The following CTNND2 variants were observed in gnomAD, a reference collection of about 807,000 sequenced individuals.
CTNND2 encodes the protein catenin delta 2.
CTNND2 carries 22 observed loss-of-function variants against 144.4 expected under a neutral mutation model. The observed-to-expected ratio is 0.15, with a 90% CI of 0.11 to 0.22. The LOEUF (loss-of-function observed/expected upper bound fraction) is 0.22, where lower values mean the gene tolerates loss of function less well. CTNND2 is among the 10% of genes least tolerant of loss of function. The probability of loss-of-function intolerance (pLI) is 1.00; values close to 1 mark genes in which losing one functional copy is unlikely to be tolerated. For missense variants in CTNND2, 1,353 were observed against 1,618.8 expected, an observed-to-expected ratio of 0.84 and a Z score of 2.82; for synonymous variants, 751 against 695.6, an observed-to-expected ratio of 1.08 and a Z score of -1.25.
chr5:11,556,349 T>C (rs1471351283), intron 3 of CTNND2, among the ~76,000 whole-genome samples: 2 of 152,284 alleles, frequency 1.3e-5, no homozygotes, highest in East Asian at 3.9e-4. Context: ...TAAATCAAAT[T>C]ATTTCAATAT....
In CTNND2 at chr5:11,665,474, CAAT is replaced by C. The variant is rs537724309; in HGVS notation, c.174+66659_174+66661del. Among the ~76,000 whole-genome samples, 25 of 152,234 alleles carry C rather than the reference CAAT, an allele frequency of 1.6e-4. 2 individuals are homozygous for C. The South Asian group carries it at 4.6e-3, about 28-fold the overall frequency. ...AAATCTTACTACATTTTCACAACCA[CAAT>C]GTTATCATCTTTAGGGATTTCACTT... On this transcript the variant is annotated intron_variant, in intron 2 of 21. Transcript: ENST00000304623.
rs184386337 is a variant in CTNND2 at position 11,710,818 on chromosome 5, T to C, written c.174+21318A>G. Among the ~76,000 whole-genome samples the C allele has an allele frequency of 5.7e-3, 874 of 152,342 alleles. 6 individuals carry two copies. The highest frequency in any genetic ancestry group is 9.8e-3 in the Non-Finnish European group (669 of 68,034). On this transcript the variant is annotated intron_variant, in intron 2 of 21. Coordinates refer to ENST00000304623, the MANE Select transcript of CTNND2 (RefSeq NM_001332.4). Reference sequence around the variant, plus strand: ...AATGGAAGGGAGGTTAGGGTTGAGTTTGCTATGTGCATCAAAGCTTTTGCT... The same window carrying C: ...AATGGAAGGGAGGTTAGGGTTGAGTCTGCTATGTGCATCAAAGCTTTTGCT...
At chr5:11,424,519 G>A (rs1013765246) in intron 3 of CTNND2, among the ~76,000 whole-genome samples, 1 of 152,002 alleles carries the variant, frequency 6.6e-6, no homozygotes, top group African/African-American at 2.4e-5. Flanking sequence ...AAATCTGTTG[G>A]TTGTAGCAAT....
intron 9 of CTNND2, among the ~76,000 whole-genome samples, chr5:11,302,622 C>A (rs1749735830): frequency 6.6e-6 from 1 of 152,138 alleles, no homozygotes; most frequent in African/African-American, 2.4e-5. Context: ...TTCCCCAGGT[C>A]TCCAGTGATG....
rs888107517 is a variant in CTNND2, at chr5:11,209,154, C to A, written c.1762-9493G>T. On this transcript the variant is annotated intron_variant, in intron 10 of 21. Transcript: ENST00000304623. ...CCAAAATTTATTTATACTTTTAACA[C>A]AATTTCAATCAAAATTCAAGGGATT... Among the ~76,000 whole-genome samples the A allele has an allele frequency of 2.0e-5, 3 of 152,130 alleles. No individual in the cohort carries two copies. In the South Asian group the frequency reaches 6.2e-4, roughly 32 times the overall value.
intron 9 of CTNND2, among the ~76,000 whole-genome samples, chr5:11,344,234 T>C (rs557836057): frequency 1.2e-3 from 189 of 151,996 alleles, no homozygotes; most frequent in African/African-American, 4.4e-3. Flanking sequence ...CTACTAAAAA[T>C]ACAAAAAATT....
At chr5:11,452,836 A>G (rs1393040682) in intron 3 of CTNND2, among the ~76,000 whole-genome samples, 1 of 152,194 alleles carries the variant, frequency 6.6e-6, no homozygotes, top group Non-Finnish European at 1.5e-5. Flanking sequence ...ATGTGCGCAC[A>G]TTTGTCTGAA....
At chr5:11,809,949 T>C (rs571043009) in intron 1 of CTNND2, among the ~76,000 whole-genome samples, 57 of 152,196 alleles carry the variant, frequency 3.7e-4, no homozygotes, top group African/African-American at 1.3e-3. Flanking sequence ...GCCTTGAAAA[T>C]CCCAGGCTAA....
At chr5:11,394,265 G>C (rs977769933) in intron 6 of CTNND2, among the ~76,000 whole-genome samples, 5 of 152,166 alleles carry the variant, frequency 3.3e-5, no homozygotes, top group Non-Finnish European at 7.3e-5. Context: ...AGTTCCTTGA[G>C]GACTGGGATC....
intron 3 of CTNND2, among the ~76,000 whole-genome samples, chr5:11,437,972 T>G (rs1763916075): frequency 6.6e-6 from 1 of 152,188 alleles, no homozygotes; most frequent in African/African-American, 2.4e-5. Flanking sequence ...AGGGTCAGTA[T>G]AGGCTGTTAT....
At chr5:11,154,029 G>A (rs542608311) in intron 12 of CTNND2, among the ~76,000 whole-genome samples, 9 of 152,282 alleles carry the variant, frequency 5.9e-5, no homozygotes, top group African/African-American at 9.6e-5. Flanking sequence ...CAGCCACAGC[G>A]GGATCTTTAG....
chr5:11,704,145 T>C lies in CTNND2; in HGVS notation c.174+27991A>G, dbSNP rs542613176. ...AAGACTAGATGTAGTCAAGCTTATT[T>C]GAAATTAATTATCTAAGAAGCCTCA... is the stretch of plus-strand genomic sequence containing the variant. On this transcript the variant is annotated intron_variant, in intron 2 of 21. Coordinates refer to ENST00000304623, the MANE Select transcript of CTNND2 (RefSeq NM_001332.4). Among the ~76,000 whole-genome samples the C allele has an allele frequency of 2.0e-5, 3 of 152,328 alleles. No individual in the cohort carries two copies. In the East Asian group the frequency reaches 5.8e-4, roughly 29 times the overall value.
intron 20 of CTNND2, among the ~76,000 whole-genome samples, chr5:10,987,460 C>T (rs114423465): frequency 1.3e-5 from 2 of 152,262 alleles, no homozygotes; most frequent in African/African-American, 4.8e-5. Context: ...TGACTGAGAT[C>T]GTGAGGGATG....
At chr5:11,273,005 C>CA (rs1746175946) in intron 9 of CTNND2, among the ~76,000 whole-genome samples, 1 of 152,026 alleles carries the variant, frequency 6.6e-6, no homozygotes, top group African/African-American at 2.4e-5. Context: ...GGCATTCTCA[C>CA]AAAAAATAAT....
chr5:11,799,865 C>T (rs772177264), intron 1 of CTNND2, among the ~76,000 whole-genome samples: 1 of 152,082 alleles, frequency 6.6e-6, no homozygotes, highest in African/African-American at 2.4e-5. Flanking sequence ...ACACAACACA[C>T]AAAGAGGAAT....
intron 3 of CTNND2, among the ~76,000 whole-genome samples, chr5:11,501,583 T>C (rs1338917181): frequency 6.6e-6 from 1 of 152,164 alleles, no homozygotes; most frequent in African/African-American, 2.4e-5. Context: ...TGACTGAATG[T>C]TTACGTTGTC....
At chr5:11,230,656 G>T (rs1740901819) in intron 10 of CTNND2, among the ~76,000 whole-genome samples, 1 of 152,156 alleles carries the variant, frequency 6.6e-6, no homozygotes, top group Non-Finnish European at 1.5e-5. Flanking sequence ...TACTGTGTTT[G>T]CAGCAATCAC....
intron 2 of CTNND2, among the ~76,000 whole-genome samples, chr5:11,676,422 AG>A (rs1295930441): frequency 6.6e-6 from 1 of 152,026 alleles, no homozygotes; most frequent in East Asian, 1.9e-4. Flanking sequence ...TTATGGGGGC[AG>A]GGGTTAAGGA....
At chr5:11,290,701 T>C (rs886168528) in intron 9 of CTNND2, among the ~76,000 whole-genome samples, 1 of 152,192 alleles carries the variant, frequency 6.6e-6, no homozygotes, top group African/African-American at 2.4e-5. Context: ...ATCGGTCCTT[T>C]TAAATGATCT....
Sources: gnomAD v4.1 joint callset for allele counts (sites outside exome capture counted in the v4.1 genomes callset) on GRCh38, gnomAD v4.1.1 for gene constraint, MANE v1.5 for transcripts, NCBI Gene and HGNC (gene_info 2026-07-23, HGNC 2026-07-21) for gene names.